The following SYN3 variants were observed in gnomAD, a reference collection of about 807,000 sequenced individuals.
SYN3 encodes synapsin III, also known as synapsin-3.
SYN3 carries 35 observed loss-of-function variants against 65.8 expected under a neutral mutation model. The observed-to-expected ratio is 0.53, with a 90% CI of 0.41 to 0.70. The LOEUF (loss-of-function observed/expected upper bound fraction) is 0.70, where lower values mean the gene tolerates loss of function less well. Ranked by LOEUF, SYN3 falls within the 30% of genes least tolerant of loss-of-function variation. The pLI is 0.00. For synonymous variants in SYN3, 270 were observed against 292.9 expected, an observed-to-expected ratio of 0.92 and a Z score of 0.80; for missense variants, 680 against 749.0, an observed-to-expected ratio of 0.91 and a Z score of 1.08.
chr22:32,899,528 G>A (rs557067067), intron 4 of SYN3, among the ~76,000 whole-genome samples: 5 of 152,306 alleles, frequency 3.3e-5, no homozygotes, highest in Middle Eastern at 3.4e-3. Flanking sequence ...GTTGGTCCAT[G>A]ATGGAGGTTA....
intron 3 of SYN3, among the ~76,000 whole-genome samples, chr22:32,956,041 C>CACAT (rs541947799): frequency 7.7e-6 from 1 of 130,678 alleles, no homozygotes; most frequent in South Asian, 2.3e-4. Flanking sequence ...AATAAATTCA[C>CACAT]ATATATATAT....
At chr22:32,865,368 G>A (rs962872046) in intron 5 of SYN3, among the ~76,000 whole-genome samples, 4 of 152,122 alleles carry the variant, frequency 2.6e-5, no homozygotes, top group Non-Finnish European at 4.4e-5. Flanking sequence ...GAGAGGCAGC[G>A]CTGCATGGTA....
chr22:32,917,649 C>T (rs1022334055), intron 4 of SYN3, among the ~76,000 whole-genome samples: 2 of 152,176 alleles, frequency 1.3e-5, no homozygotes, highest in African/African-American at 2.4e-5. Flanking sequence ...ACAGGGTCAG[C>T]GGGGCGCAGC....
chr22:33,005,855 C>T (rs192233002), intron 2 of SYN3, among the ~76,000 whole-genome samples: 1 of 152,328 alleles, frequency 6.6e-6, no homozygotes, highest in African/African-American at 2.4e-5. Flanking sequence ...CTGCCAAGTA[C>T]TGCCAGACGT....
intron 6 of SYN3, among the ~76,000 whole-genome samples, chr22:32,728,162 T>C (rs2061222533): frequency 6.6e-6 from 1 of 152,190 alleles, no homozygotes; most frequent in Non-Finnish European, 1.5e-5. Flanking sequence ...GGCAATACCA[T>C]TCAGGACATA....
chr22:32,992,754 AG>A (rs1463367907), intron 2 of SYN3, among the ~76,000 whole-genome samples: 1 of 152,210 alleles, frequency 6.6e-6, no homozygotes, highest in Non-Finnish European at 1.5e-5. Context: ...CGGACGTTGC[AG>A]TGAGGCAACA....
In SYN3 at chr22:32,508,284, G is replaced by T. The variant is rs140780810; in HGVS notation, c.*5408C>A. Among the ~76,000 whole-genome samples the T allele has an allele frequency of 6.6e-6, 1 of 151,908 alleles. No homozygotes were observed. On this transcript the variant is annotated 3_prime_UTR_variant, in exon 14 of 14. Transcript: ENST00000358763. ...TCCTTCTTCTGGCTCAGAAGCTCCC[G>T]CACTGAGCACCTTGTGACCCCCGCC...
intron 6 of SYN3, among the ~76,000 whole-genome samples, chr22:32,843,468 C>T (rs888552260): frequency 1.3e-5 from 2 of 152,272 alleles, no homozygotes; most frequent in Admixed American, 6.5e-5. Context: ...GGCTCCAGGC[C>T]GACCTCCCTG....
intron 6 of SYN3, among the ~76,000 whole-genome samples, chr22:32,671,081 A>T (rs934980449): frequency 3.9e-5 from 6 of 152,216 alleles, no homozygotes. Flanking sequence ...TTCAGTTTAC[A>T]TATCTGTCAA....
intron 6 of SYN3, among the ~76,000 whole-genome samples, chr22:32,693,368 C>T (rs1002806584): frequency 2.4e-4 from 36 of 152,208 alleles, no homozygotes; most frequent in African/African-American, 8.7e-4. Context: ...TTTGGGAGAA[C>T]AGAGCTGGAC....
chr22:33,015,325 AC>A, intron 1 of SYN3: 1 of 680,394 alleles, frequency 1.5e-6, no homozygotes. Context: ...AAAAACAAAG[AC>A]GTGAAGAATC....
intron 7 of SYN3, among the ~76,000 whole-genome samples, chr22:32,545,664 G>A (rs759784078): frequency 1.3e-5 from 2 of 151,994 alleles, no homozygotes; most frequent in East Asian, 1.9e-4. Context: ...GGATTCAAGC[G>A]ATTCTCTTGC....
Position 32,823,258 on chromosome 22 carries a change from T to C in SYN3, c.711+41657A>G, listed in dbSNP as rs73885112. On this transcript the variant is annotated intron_variant, in intron 6 of 13. Transcript: ENST00000358763. ...GGGACTTGTAAGTCCCGTGGTCAGTTACCTGATTGCTCTTACGGACCTGAC... is the reference window on the plus strand; with the variant it reads ...GGGACTTGTAAGTCCCGTGGTCAGTCACCTGATTGCTCTTACGGACCTGAC... 9.4e-3 allele frequency among the ~76,000 whole-genome samples: 1,439 copies of C among 152,296 alleles called. 31 individuals are homozygous for C. The highest frequency in any genetic ancestry group is 0.034 in the African/African-American group (1,401 of 41,566).
intron 3 of SYN3, among the ~76,000 whole-genome samples, chr22:32,973,313 T>C (rs2052079516): frequency 6.6e-6 from 1 of 152,196 alleles, no homozygotes; most frequent in Non-Finnish European, 1.5e-5. Flanking sequence ...GTTAAGTACA[T>C]GGAAGAGAAC....
At chr22:32,851,178 G>A (rs760968534) in intron 6 of SYN3, among the ~76,000 whole-genome samples, 3 of 152,168 alleles carry the variant, frequency 2.0e-5, no homozygotes, top group Non-Finnish European at 2.9e-5. Flanking sequence ...GGCAGACAGC[G>A]CGGGAATGCC....
intron 6 of SYN3, among the ~76,000 whole-genome samples, chr22:32,727,504 T>C (rs966022771): frequency 1.3e-5 from 2 of 152,264 alleles, no homozygotes; most frequent in Non-Finnish European, 2.9e-5. Flanking sequence ...CCTTGGGGTA[T>C]ACACCCAGTA....
At chr22:32,802,214 C>CT in intron 6 of SYN3, 1 of 1,498,684 alleles carries the variant, frequency 6.7e-7, no homozygotes, top group Non-Finnish European at 8.9e-7. Flanking sequence ...CTCCTTTCCT[C>CT]TGCCCCAGGA....
At chr22:33,046,597 C>G (rs923071555) in intron 1 of SYN3, among the ~76,000 whole-genome samples, 1 of 151,990 alleles carries the variant, frequency 6.6e-6, no homozygotes, top group Non-Finnish European at 1.5e-5. Context: ...AATCCCAGCA[C>G]TTTGGGAGGC....
chr22:32,874,799 G>A (rs1371351919), intron 4 of SYN3, among the ~76,000 whole-genome samples: 1 of 152,100 alleles, frequency 6.6e-6, no homozygotes, highest in Non-Finnish European at 1.5e-5. Context: ...CCATGTCAAC[G>A]GGCAAAGAGA....
Sources: allele counts gnomAD v4.1 joint callset (sites outside exome capture counted in the v4.1 genomes callset), GRCh38; gene constraint gnomAD v4.1.1; transcripts MANE v1.5; gene names NCBI Gene and HGNC (gene_info 2026-07-23, HGNC 2026-07-21).